Variants in CYP26B1 observed in about 807,000 individuals in gnomAD.
CYP26B1 encodes cytochrome P450 family 26 subfamily B member 1.
In CYP26B1, 8 loss-of-function variants were observed where a neutral mutation model predicts 39.1. The ratio of observed to expected loss-of-function variants is 0.20; its 90% CI spans 0.12 to 0.37. The LOEUF is 0.37. Ranked by LOEUF, CYP26B1 falls within the 10% of genes least tolerant of loss-of-function variation. The pLI, the probability that CYP26B1 is intolerant of heterozygous loss-of-function variation, is 1.00. For synonymous variants in CYP26B1, 321 were observed against 314.3 expected, an observed-to-expected ratio of 1.02 and a Z score of -0.23; for missense variants, 615 against 707.0, an observed-to-expected ratio of 0.87 and a Z score of 1.48.
chr2:72,136,507 A>G (rs79024057), intron 2 of CYP26B1, among the ~76,000 whole-genome samples: 2,399 of 152,346 alleles, frequency 0.016, 71 homozygotes, highest in African/African-American at 0.053. Context: ...CCAGCCAGGC[A>G]TTCACAATAG....
chr2:72,135,404 A>C lies in CYP26B1; in HGVS notation c.445T>G (p.Phe149Val). 6.2e-7 allele frequency: 1 copy of C among 1,611,518 alleles called. No individual in the cohort carries two copies. Residue 149 changes from phenylalanine (F) to valine (V), a missense_variant, in exon 3 of 6, where the codon TTC (phenylalanine) becomes GTC (valine). Physicochemically the swap from Phe to Val is conservative, Grantham distance 50. Coordinates refer to ENST00000001146, the MANE Select transcript of CYP26B1 (RefSeq NM_019885.4). ...RNKRKVFSKI[F>V]SHEALESYLP... Reference sequence around the variant, plus strand: ...TAACTCTCCAGGGCCTCGTGGCTGAAGATCTTGGAGAAGACCTGGAAGGCA... The same window carrying C: ...TAACTCTCCAGGGCCTCGTGGCTGACGATCTTGGAGAAGACCTGGAAGGCA...
In CYP26B1 at chr2:72,133,272, G is replaced by A. The variant is rs753232429; in HGVS notation, c.897C>T (p.Ala299=). 2 of 1,609,622 alleles carry A rather than the reference G, an allele frequency of 1.2e-6. No homozygotes were observed. The highest frequency in any genetic ancestry group is 1.7e-6 in the Non-Finnish European group (2 of 1,179,694). The stretch of plus-strand genomic sequence containing the variant: ...GTGAGGTGCTGGCGCTGGCCGTGGT[G>A]GCATAGGCCGCAAAGATCAGCTCCA... ...GTLELIFAAY[A]TTASASTSLI... Residue 299 remains alanine (A), a synonymous_variant, in exon 5 of 6, where the codon GCC becomes GCT. Coordinates refer to ENST00000001146, the MANE Select transcript of CYP26B1 (RefSeq NM_019885.4).
intron 2 of CYP26B1, among the ~76,000 whole-genome samples, chr2:72,139,793 CCA>C (rs1676885850): frequency 6.6e-6 from 1 of 152,244 alleles, no homozygotes; most frequent in African/African-American, 2.4e-5. Flanking sequence ...GCGTGGCTGG[CCA>C]CACCCACCAG....
chr2:72,142,934 T>G (rs1300045543), intron 2 of CYP26B1: 1 of 167,140 alleles, frequency 6.0e-6, no homozygotes, highest in Non-Finnish European at 1.5e-5. Context: ...CCGTTAAGAA[T>G]TACCCTTCAC....
chr2:72,136,641 C>G (rs1309704057), intron 2 of CYP26B1, among the ~76,000 whole-genome samples: 1 of 152,216 alleles, frequency 6.6e-6, no homozygotes, highest in African/African-American at 2.4e-5. Flanking sequence ...GGTAGAAGGA[C>G]GATAGGAGGT....
At chr2:72,132,981 C>T (rs746548162) in intron 5 of CYP26B1, 42 bp downstream of exon 5, 13 of 1,612,412 alleles carry the variant, frequency 8.1e-6, no homozygotes, top group African/African-American at 1.3e-5. Context: ...TCCCGGTGCC[C>T]CTGCTCCCCC....
intron 1 of CYP26B1, among the ~76,000 whole-genome samples, chr2:72,146,249 G>A (rs546836916): frequency 6.6e-6 from 1 of 151,582 alleles, no homozygotes; most frequent in Non-Finnish European, 1.5e-5. Flanking sequence ...GGCGGGAGCC[G>A]TTGCCCAAGT....
At chr2:72,141,354 G>A (rs566812798) in intron 2 of CYP26B1, among the ~76,000 whole-genome samples, 2 of 152,288 alleles carry the variant, frequency 1.3e-5, no homozygotes, top group East Asian at 3.9e-4. Context: ...CACCCCTGCT[G>A]GCCCAGGACC....
intron 5 of CYP26B1, 149 bp from the exon 6 acceptor site, chr2:72,132,768 G>T: frequency 6.9e-7 from 1 of 1,448,280 alleles, no homozygotes; most frequent in African/African-American, 1.4e-5. Flanking sequence ...GGCCTGGCCA[G>T]CCTGCCCCAT....
At chr2:72,134,974 G>A in intron 3 of CYP26B1, 58 bp from the exon 4 acceptor site, 1 of 1,606,846 alleles carries the variant, frequency 6.2e-7, no homozygotes, top group Non-Finnish European at 8.5e-7. Context: ...TGAGCCTCGG[G>A]ACCACCAGGG....
intron 2 of CYP26B1, among the ~76,000 whole-genome samples, chr2:72,141,521 G>A (rs1340687801): frequency 2.6e-5 from 4 of 152,148 alleles, no homozygotes; most frequent in African/African-American, 9.7e-5. Flanking sequence ...CAGCACACCT[G>A]GGCCCCACTT....
At chr2:72,136,291 GC>G (rs571032426) in intron 2 of CYP26B1, among the ~76,000 whole-genome samples, 2,673 of 152,294 alleles carry the variant, frequency 0.018, 34 homozygotes, top group Non-Finnish European at 0.028. Flanking sequence ...AGAAGAGGGA[GC>G]CCCCCACTCC....
chr2:72,132,429 A>G lies in CYP26B1; in HGVS notation c.1337T>C (p.Leu446Pro). 1 of 1,613,100 alleles carries G rather than the reference A, an allele frequency of 6.2e-7. No homozygotes were observed. The highest frequency in any genetic ancestry group is 8.5e-7 in the Non-Finnish European group (1 of 1,179,484). The change falls in exon 6 of 6, where the codon CTG becomes CCG. Residue 446 changes from leucine (L) to proline (P), a missense_variant. Leu to Pro is a moderately conservative substitution (Grantham distance 98). Coordinates refer to ENST00000001146, the MANE Select transcript of CYP26B1 (RefSeq NM_019885.4). ...CAGCACCTTCAGGAACAGCTTGGCC[A>G]GGTGCTTGCCCAGGCAGGTCCGGAC... Reference protein sequence around the residue: ...GGVRTCLGKHLAKLFLKVLAV... With the variant: ...GGVRTCLGKHPAKLFLKVLAV...
chr2:72,134,407 C>T (rs1278120393), intron 4 of CYP26B1, among the ~76,000 whole-genome samples: 1 of 152,166 alleles, frequency 6.6e-6, no homozygotes. Context: ...CTCCCCTGCT[C>T]TTCCCCAAGG....
chr2:72,144,989 G>C (rs1004678145), intron 1 of CYP26B1, among the ~76,000 whole-genome samples: 13 of 152,142 alleles, frequency 8.5e-5, no homozygotes, highest in Non-Finnish European at 1.8e-4. Flanking sequence ...GGCCGGGCGC[G>C]GGTACCGGAA....
chr2:72,133,383 C>G, intron 4 of CYP26B1, 76 bp from the exon 5 acceptor site: 1 of 1,537,666 alleles, frequency 6.5e-7, no homozygotes, highest in Non-Finnish European at 8.8e-7. Context: ...CAGTCAGTGG[C>G]CCGTGTGCCC....
chr2:72,138,745 A>G (rs552370253), intron 2 of CYP26B1, among the ~76,000 whole-genome samples: 1 of 152,230 alleles, frequency 6.6e-6, no homozygotes, highest in East Asian at 1.9e-4. Context: ...AGGCTCAGGC[A>G]GGAGGGAGGA....
At chr2:72,135,561 A>ATTT (rs1676747662) in intron 2 of CYP26B1, 142 bp from the exon 3 acceptor site, 1 of 1,242,674 alleles carries the variant, frequency 8.0e-7, no homozygotes, top group African/African-American at 1.5e-5. Context: ...TGGGCAGGCC[A>ATTT]GCTGCCAGCA....
At position 72,132,536 on chromosome 2, in the gene CYP26B1, G is replaced by A. The variant is rs761100081; in HGVS notation, c.1230C>T (p.Asn410=). Reference sequence around the variant, plus strand: ...GGCTGAAGCGATCGGGGTCGAACACGTTCACGTCTTTGAACACGGGCGCTG... The same window carrying A: ...GGCTGAAGCGATCGGGGTCGAACACATTCACGTCTTTGAACACGGGCGCTG... ...HDTAPVFKDV[N]VFDPDRFSQA... The change falls in exon 6 of 6, where the codon AAC becomes AAT. Residue 410 remains asparagine (N), a synonymous_variant. Transcript: ENST00000001146. The A allele has an allele frequency of 3.1e-6, 5 of 1,609,514 alleles. No individual in the cohort carries two copies. Among genetic ancestry groups the A allele is most frequent in the Admixed American group, 1.7e-5 (1 of 59,826 alleles).
Sources: gnomAD v4.1 joint callset for allele counts (sites outside exome capture counted in the v4.1 genomes callset) on GRCh38, gnomAD v4.1.1 for gene constraint, MANE v1.5 for transcripts, NCBI Gene and HGNC (gene_info 2026-07-23, HGNC 2026-07-21) for gene names.